PTPRG: variants seen among roughly 807,000 people sequenced by gnomAD.
PTPRG encodes protein tyrosine phosphatase receptor type G, also known as receptor-type tyrosine-protein phosphatase gamma.
A neutral mutation model predicts 165.3 loss-of-function variants in PTPRG; 102 were observed. That is an observed-to-expected ratio of 0.62 (90% confidence interval 0.53 to 0.73). The LOEUF (loss-of-function observed/expected upper bound fraction) is 0.73. PTPRG is among the 30% of genes least tolerant of loss of function. The probability of loss-of-function intolerance (pLI) is 0.00; values close to 1 mark genes in which losing one functional copy is unlikely to be tolerated. For synonymous variants in PTPRG, 675 were observed against 669.5 expected, an observed-to-expected ratio of 1.01 and a Z score of -0.13; for missense variants, 1,866 against 1,861.4, an observed-to-expected ratio of 1.00 and a Z score of -0.05.
At chr3:61,595,285 G>C (rs943707458) in intron 1 of PTPRG, among the ~76,000 whole-genome samples, 6 of 134,398 alleles carry the variant, frequency 4.5e-5, no homozygotes, top group Non-Finnish European at 9.7e-5. Context: ...ACATATTAAC[G>C]TTGTACTTCC....
chr3:61,857,118 A>T (rs1254000159), intron 2 of PTPRG, among the ~76,000 whole-genome samples: 1 of 151,640 alleles, frequency 6.6e-6, no homozygotes, highest in African/African-American at 2.4e-5. Context: ...CTCTCAACAT[A>T]GCCTCATTTA....
intron 1 of PTPRG, among the ~76,000 whole-genome samples, chr3:61,692,583 G>A (rs980809306): frequency 6.6e-6 from 1 of 152,154 alleles, no homozygotes; most frequent in Non-Finnish European, 1.5e-5. Flanking sequence ...TCAGCGAGGC[G>A]AGGTAGGGGT....
At chr3:61,946,185 A>C (rs1407825356) in intron 2 of PTPRG, among the ~76,000 whole-genome samples, 1 of 152,196 alleles carries the variant, frequency 6.6e-6, no homozygotes, top group African/African-American at 2.4e-5. Flanking sequence ...CCCAAAGTCA[A>C]CTTCACCTTC....
chr3:62,019,258 C>G (rs1374878491), intron 4 of PTPRG, among the ~76,000 whole-genome samples: 1 of 152,174 alleles, frequency 6.6e-6, no homozygotes, highest in Admixed American at 6.5e-5. Flanking sequence ...TGTAGTAGCT[C>G]ACACTTGTAA....
At chr3:62,204,008 T>C (rs1423678282) in intron 12 of PTPRG, 58 bp downstream of exon 12, 4 of 1,498,730 alleles carry the variant, frequency 2.7e-6, no homozygotes. Flanking sequence ...CGTACCCTTT[T>C]TCAAAAAATT....
At chr3:61,788,886 A>G (rs186977951) in intron 2 of PTPRG, among the ~76,000 whole-genome samples, 7 of 152,288 alleles carry the variant, frequency 4.6e-5, no homozygotes, top group African/African-American at 1.7e-4. Context: ...CCTTTTCTAG[A>G]TGAAGGCTCC....
At chr3:62,279,935 G>A (rs1244823398) in intron 26 of PTPRG, among the ~76,000 whole-genome samples, 1 of 152,004 alleles carries the variant, frequency 6.6e-6, no homozygotes, top group Non-Finnish European at 1.5e-5. Flanking sequence ...TGCCATTGGA[G>A]CTGATTGATT....
chr3:62,178,323 T>C (rs550798737), intron 8 of PTPRG, among the ~76,000 whole-genome samples: 1 of 152,264 alleles, frequency 6.6e-6, no homozygotes, highest in East Asian at 1.9e-4. Context: ...CATATACATA[T>C]CAGGTGGCCA....
intron 7 of PTPRG, among the ~76,000 whole-genome samples, chr3:62,163,321 TTAA>T (rs1269073930): frequency 1.3e-5 from 2 of 152,206 alleles, no homozygotes; most frequent in Non-Finnish European, 2.9e-5. Context: ...AATACTGCTA[TTAA>T]TAATAATATT....
intron 5 of PTPRG, among the ~76,000 whole-genome samples, chr3:62,097,357 A>C (rs1702152779): frequency 6.6e-6 from 1 of 152,228 alleles, no homozygotes; most frequent in South Asian, 2.1e-4. Context: ...CGTTCCAGCA[A>C]ATGAAAACCT....
chr3:61,827,091 G>T lies in PTPRG; in HGVS notation c.190+78109G>T, dbSNP rs187331951. Among the ~76,000 whole-genome samples, 613 of 152,274 alleles carry T rather than the reference G, an allele frequency of 4.0e-3. 1 individual carries two copies. Among genetic ancestry groups the T allele is most frequent in the Non-Finnish European group, 6.2e-3 (419 of 68,010 alleles). ...TTAGTTGGAATCTTTCAGAGTAAGGGCATGCTTTGCTGTGTTCTTCTATCC... is the reference window on the plus strand; with the variant it reads ...TTAGTTGGAATCTTTCAGAGTAAGGTCATGCTTTGCTGTGTTCTTCTATCC... On this transcript the variant is annotated intron_variant, in intron 2 of 29. Coordinates refer to ENST00000474889, the MANE Select transcript of PTPRG (RefSeq NM_002841.4).
chr3:61,832,010 T>G (rs892494591), intron 2 of PTPRG, among the ~76,000 whole-genome samples: 5 of 152,254 alleles, frequency 3.3e-5, no homozygotes, highest in African/African-American at 1.2e-4. Context: ...TGTTTCTAGA[T>G]GATTTCATTT....
chr3:61,968,980 A>G (rs2040330483), intron 2 of PTPRG, among the ~76,000 whole-genome samples: 1 of 152,256 alleles, frequency 6.6e-6, no homozygotes, highest in African/African-American at 2.4e-5. Flanking sequence ...GATGTCACGT[A>G]TAATTAAAAC....
chr3:61,812,274 C>T (rs1375036490), intron 2 of PTPRG, among the ~76,000 whole-genome samples: 1 of 148,798 alleles, frequency 6.7e-6, no homozygotes, highest in African/African-American at 2.5e-5. Flanking sequence ...AGCAGTGGTC[C>T]TGACCATTCA....
chr3:62,088,696 T>TAC (rs1411926284), intron 5 of PTPRG, among the ~76,000 whole-genome samples: 3 of 152,220 alleles, frequency 2.0e-5, no homozygotes, highest in African/African-American at 4.8e-5. Context: ...TAAGAGCATG[T>TAC]ACAAATGCTT....
chr3:61,570,764 T>A (rs1700036122), intron 1 of PTPRG, among the ~76,000 whole-genome samples: 1 of 152,220 alleles, frequency 6.6e-6, no homozygotes, highest in African/African-American at 2.4e-5. Flanking sequence ...GAGAACTTTT[T>A]AAGAATTGTC....
At chr3:62,157,760 C>G (rs984037763) in intron 7 of PTPRG, among the ~76,000 whole-genome samples, 1 of 152,198 alleles carries the variant, frequency 6.6e-6, no homozygotes, top group African/African-American at 2.4e-5. Flanking sequence ...GCTCTGACCA[C>G]TAAGCCTACC....
chr3:62,292,232 A>G (rs1473446133), intron 28 of PTPRG, among the ~76,000 whole-genome samples, 189 bp from the exon 29 acceptor site: 2 of 152,146 alleles, frequency 1.3e-5, no homozygotes, highest in African/African-American at 4.8e-5. Flanking sequence ...CTCCACTTTC[A>G]TAAACAAATC....
intron 6 of PTPRG, among the ~76,000 whole-genome samples, chr3:62,150,704 C>G (rs1200631817): frequency 6.6e-6 from 1 of 152,134 alleles, no homozygotes; most frequent in African/African-American, 2.4e-5. Context: ...CCTGAAGAAA[C>G]CAAATAATCA....
Sources: gnomAD v4.1 joint callset for allele counts (sites outside exome capture counted in the v4.1 genomes callset) on GRCh38, gnomAD v4.1.1 for gene constraint, MANE v1.5 for transcripts, NCBI Gene and HGNC (gene_info 2026-07-23, HGNC 2026-07-21) for gene names.